The following PITPNC1 variants were observed in gnomAD, a reference collection of about 807,000 sequenced individuals.
PITPNC1 encodes the protein phosphatidylinositol transfer protein cytoplasmic 1.
In PITPNC1, 18 loss-of-function variants were observed where a neutral mutation model predicts 44.7. The observed-to-expected ratio is 0.40, with a 90% CI of 0.28 to 0.60. PITPNC1 has a LOEUF of 0.60. Ranked by LOEUF, PITPNC1 falls within the 20% of genes least tolerant of loss-of-function variation. The pLI is 0.39. For synonymous variants in PITPNC1, 141 were observed against 149.6 expected, an observed-to-expected ratio of 0.94 and a Z score of 0.42; for missense variants, 290 against 418.4, an observed-to-expected ratio of 0.69 and a Z score of 2.68.
intron 4 of PITPNC1, among the ~76,000 whole-genome samples, chr17:67,569,785 AG>A (rs1447294752): frequency 6.6e-6 from 1 of 152,102 alleles, no homozygotes; most frequent in Non-Finnish European, 1.5e-5. Context: ...TACTGTTTTT[AG>A]GGGGTTGGGG....
chr17:67,501,813 A>G (rs1048575165), intron 1 of PITPNC1, among the ~76,000 whole-genome samples: 1 of 152,108 alleles, frequency 6.6e-6, no homozygotes, highest in Non-Finnish European at 1.5e-5. Flanking sequence ...AGCCTGGGCA[A>G]CAAGAGCAAA....
chr17:67,458,379 C>T (rs577813323), intron 1 of PITPNC1, among the ~76,000 whole-genome samples: 3 of 152,304 alleles, frequency 2.0e-5, no homozygotes, highest in Non-Finnish European at 1.5e-5. Flanking sequence ...TCATTGACCT[C>T]TCTAATGCTC....
intron 6 of PITPNC1, among the ~76,000 whole-genome samples, chr17:67,648,685 C>A (rs1173623678): frequency 6.6e-6 from 1 of 152,162 alleles, no homozygotes; most frequent in East Asian, 1.9e-4. Context: ...ACCAGTGGCC[C>A]AGATGACCCT....
chr17:67,446,178 T>G (rs1470294563), intron 1 of PITPNC1, among the ~76,000 whole-genome samples: 1 of 151,552 alleles, frequency 6.6e-6, no homozygotes, highest in African/African-American at 2.4e-5. Flanking sequence ...ATCTCTTGAC[T>G]TCATGATCCA....
At chr17:67,647,788 C>CA (rs1360725688) in intron 6 of PITPNC1, among the ~76,000 whole-genome samples, 2 of 152,062 alleles carry the variant, frequency 1.3e-5, no homozygotes, top group African/African-American at 2.4e-5. Flanking sequence ...AACCTGGGGG[C>CA]AGGGCATGTG....
At chr17:67,468,815 A>AGGTTCAAGCGATTCTCCTGCCTCTG (rs1568002030) in intron 1 of PITPNC1, among the ~76,000 whole-genome samples, 2 of 87,870 alleles carry the variant, frequency 2.3e-5, no homozygotes, top group African/African-American at 2.7e-4. Context: ...TCCTGCCTCC[A>AGGTTCAAGCGATTCTCCTGCCTCTG]CCTCCCAGGT....
At chr17:67,456,539 C>T (rs2039257451) in intron 1 of PITPNC1, among the ~76,000 whole-genome samples, 1 of 152,008 alleles carries the variant, frequency 6.6e-6, no homozygotes. Flanking sequence ...ACCAGGTTTT[C>T]TCTTTTTCTC....
At chr17:67,432,051 G>A (rs991361913) in intron 1 of PITPNC1, among the ~76,000 whole-genome samples, 7 of 152,212 alleles carry the variant, frequency 4.6e-5, no homozygotes, top group Non-Finnish European at 1.0e-4. Flanking sequence ...TTCCTGATAA[G>A]AAAGGTTTAC....
chr17:67,603,628 T>C (rs2041571116), intron 5 of PITPNC1, among the ~76,000 whole-genome samples: 1 of 152,030 alleles, frequency 6.6e-6, no homozygotes, highest in African/African-American at 2.4e-5. Context: ...GCTCTAAAAA[T>C]GAAATAAGAC....
chr17:67,646,661 A>T (rs923878186), intron 6 of PITPNC1, among the ~76,000 whole-genome samples: 1 of 152,212 alleles, frequency 6.6e-6, no homozygotes, highest in East Asian at 1.9e-4. Flanking sequence ...CTACCAGCAC[A>T]TGCCACCACA....
chr17:67,427,422 C>T (rs184736550), intron 1 of PITPNC1, among the ~76,000 whole-genome samples: 2 of 152,146 alleles, frequency 1.3e-5, no homozygotes, highest in Non-Finnish European at 2.9e-5. Context: ...CTGTGTTAGC[C>T]AGGATGGTCT....
chr17:67,617,140 TCAGGGAAGGCCAGCTTTTCTGGCTA>T (rs1455208934), intron 5 of PITPNC1, among the ~76,000 whole-genome samples: 3 of 152,204 alleles, frequency 2.0e-5, no homozygotes, highest in Non-Finnish European at 4.4e-5. Context: ...CAGTGAGGCC[TCAGGGAAGGCCAGCTTTTCTGGCTA>T]CAGGGACGGT....
chr17:67,511,015 T>A (rs2040177707), intron 1 of PITPNC1, among the ~76,000 whole-genome samples: 1 of 152,108 alleles, frequency 6.6e-6, no homozygotes, highest in African/African-American at 2.4e-5. Context: ...CCATTAACAA[T>A]GGACAATATA....
chr17:67,593,687 T>A (rs1236123755), intron 5 of PITPNC1, among the ~76,000 whole-genome samples: 1 of 152,178 alleles, frequency 6.6e-6, no homozygotes, highest in Admixed American at 6.5e-5. Context: ...GCGTGAGCCA[T>A]GTTTTTTATA....
At chr17:67,510,663 A>C (rs2144088390) in intron 1 of PITPNC1, among the ~76,000 whole-genome samples, 1 of 152,114 alleles carries the variant, frequency 6.6e-6, no homozygotes, top group East Asian at 1.9e-4. Context: ...CAGTGGTGCG[A>C]TCTCAGCTCA....
At chr17:67,535,580 AAAG>A (rs1304076378) in intron 2 of PITPNC1, among the ~76,000 whole-genome samples, 1 of 152,206 alleles carries the variant, frequency 6.6e-6, no homozygotes, top group Admixed American at 6.5e-5. Context: ...TATTTATTTA[AAAG>A]AAGAGTAATA....
chr17:67,422,888 T>C (rs1044489726), intron 1 of PITPNC1, among the ~76,000 whole-genome samples: 1 of 152,194 alleles, frequency 6.6e-6, no homozygotes, highest in Non-Finnish European at 1.5e-5. Context: ...TGTACGTGCC[T>C]CAGTGTCTTT....
chr17:67,410,443 G>A (rs1159808104), intron 1 of PITPNC1, among the ~76,000 whole-genome samples: 1 of 152,110 alleles, frequency 6.6e-6, no homozygotes, highest in Middle Eastern at 3.2e-3. Context: ...CGGTGCAGTG[G>A]CGCAATCACA....
At chr17:67,646,310 T>C (rs1476662674) in intron 6 of PITPNC1, among the ~76,000 whole-genome samples, 1 of 152,188 alleles carries the variant, frequency 6.6e-6, no homozygotes, top group East Asian at 1.9e-4. Flanking sequence ...CCACATCTAG[T>C]TATTCAGACT....
Sources: allele counts gnomAD v4.1 joint callset (sites outside exome capture counted in the v4.1 genomes callset), GRCh38; gene constraint gnomAD v4.1.1; transcripts MANE v1.5; gene names NCBI Gene and HGNC (gene_info 2026-07-23, HGNC 2026-07-21).